ELAVL4: variants seen among roughly 807,000 people sequenced by gnomAD.
The protein encoded by ELAVL4 is ELAV like RNA binding protein 4.
ELAVL4 carries 1 observed loss-of-function variant against 35.6 expected under a neutral mutation model. That is an observed-to-expected ratio of 0.03 (90% CI 0.01 to 0.13). The LOEUF is 0.13. ELAVL4 is among the 10% of genes least tolerant of loss of function. The pLI is 1.00. For synonymous variants in ELAVL4, 156 were observed against 171.0 expected (o/e 0.91, Z 0.69); for missense variants, 267 against 464.9 (o/e 0.57, Z 3.91).
At chr1:50,186,485 T>G (rs561449813) in intron 3 of ELAVL4, among the ~76,000 whole-genome samples, 20 of 152,292 alleles carry the variant, frequency 1.3e-4, no homozygotes, top group Non-Finnish European at 2.8e-4. Context: ...TGAAATATAC[T>G]GCTGTGTATC....
intron 1 of ELAVL4, among the ~76,000 whole-genome samples, chr1:50,110,679 G>C (rs747762256): frequency 1.2e-4 from 18 of 152,134 alleles, no homozygotes; most frequent in Non-Finnish European, 1.6e-4. Context: ...GGGGCAGGCT[G>C]TAAATTCATA....
At chr1:50,168,213 C>T (rs922943706) in intron 2 of ELAVL4, among the ~76,000 whole-genome samples, 6 of 152,156 alleles carry the variant, frequency 3.9e-5, no homozygotes, top group African/African-American at 9.7e-5. Context: ...AGGCCATTGG[C>T]GCAAACTGGG....
At chr1:50,162,355 C>A (rs919188232) in intron 2 of ELAVL4, among the ~76,000 whole-genome samples, 1 of 152,144 alleles carries the variant, frequency 6.6e-6, no homozygotes, top group Non-Finnish European at 1.5e-5. Context: ...ATAAGACTCA[C>A]GCGCCCGCCC....
At chr1:50,105,473 A>ATTTTTTT (rs935569872), upstream of ELAVL4, among the ~76,000 whole-genome samples, 1 of 151,920 alleles carries the variant, frequency 6.6e-6, no homozygotes, top group African/African-American at 2.4e-5. Context: ...TTATTTATTT[A>ATTTTTTT]TTTTGACAAG....
At chr1:50,155,109 G>T (rs919763715) in intron 2 of ELAVL4, among the ~76,000 whole-genome samples, 1 of 150,962 alleles carries the variant, frequency 6.6e-6, no homozygotes, top group African/African-American at 2.4e-5. Context: ...TGCCATGCTG[G>T]TGTGCTGCAC....
chr1:50,063,214 G>T (rs1215943636), intron 1 of ELAVL4, among the ~76,000 whole-genome samples: 1 of 152,066 alleles, frequency 6.6e-6, no homozygotes, highest in African/African-American at 2.4e-5. Context: ...TTTTCCATAT[G>T]AAATAATGCA....
intron 1 of ELAVL4, among the ~76,000 whole-genome samples, chr1:50,116,023 T>C (rs1667882806): frequency 6.6e-6 from 1 of 152,120 alleles, no homozygotes; most frequent in Non-Finnish European, 1.5e-5. Flanking sequence ...ATAAATGTCT[T>C]TCCTTCTGTA....
chr1:50,194,936 G>A (rs1643938785), intron 4 of ELAVL4, among the ~76,000 whole-genome samples: 1 of 152,218 alleles, frequency 6.6e-6, no homozygotes, highest in South Asian at 2.1e-4. Flanking sequence ...AGGCAGTTCA[G>A]GGTGGCTGGT....
At chr1:50,154,491 T>C (rs1675366382) in intron 2 of ELAVL4, among the ~76,000 whole-genome samples, 1 of 152,204 alleles carries the variant, frequency 6.6e-6, no homozygotes, top group East Asian at 1.9e-4. Context: ...TGGATACAGC[T>C]AGCTAGGGTA....
intron 2 of ELAVL4, among the ~76,000 whole-genome samples, chr1:50,171,418 T>G (rs572496967): frequency 6.6e-4 from 101 of 152,312 alleles, no homozygotes; most frequent in African/African-American, 2.3e-3. Context: ...GCTGGTTGAC[T>G]TCAGACAGAT....
intron 1 of ELAVL4, among the ~76,000 whole-genome samples, chr1:50,078,142 G>GTGTGTGTGTGTA (rs1030712388): frequency 8.9e-5 from 13 of 145,818 alleles, no homozygotes; most frequent in Middle Eastern, 3.5e-3. Context: ...GTGTGTGTGT[G>GTGTGTGTGTGTA]TATATAGTAT....
At chr1:50,189,689 A>T (rs1490441540) in intron 3 of ELAVL4, among the ~76,000 whole-genome samples, 1 of 152,184 alleles carries the variant, frequency 6.6e-6, no homozygotes, top group East Asian at 1.9e-4. Context: ...AGGCTGGCCC[A>T]CAAAAGCCTG....
At chr1:50,125,163 C>T (rs1264206428) in intron 1 of ELAVL4, among the ~76,000 whole-genome samples, 3 of 151,558 alleles carry the variant, frequency 2.0e-5, no homozygotes, top group African/African-American at 4.9e-5. Flanking sequence ...CACTTGAGCC[C>T]GGGAGTTTGA....
upstream of ELAVL4, chr1:50,108,807 C>A: frequency 1.9e-6 from 1 of 517,672 alleles, no homozygotes; most frequent in Non-Finnish European, 2.5e-6. Flanking sequence ...CTGGCAGTAG[C>A]TAATTTAAAT....
intron 1 of ELAVL4, among the ~76,000 whole-genome samples, chr1:50,117,767 C>T (rs1668208562): frequency 6.6e-6 from 1 of 152,126 alleles, no homozygotes; most frequent in African/African-American, 2.4e-5. Flanking sequence ...CCCATCTGCC[C>T]ATGCCAGATG....
At chr1:50,073,353 C>A (rs1398603826) in intron 1 of ELAVL4, among the ~76,000 whole-genome samples, 2 of 151,882 alleles carry the variant, frequency 1.3e-5, no homozygotes, top group African/African-American at 4.8e-5. Flanking sequence ...TTGACAAATT[C>A]TTTTTTATTA....
At chr1:50,097,963 A>C (rs1665788519) in intron 1 of ELAVL4, among the ~76,000 whole-genome samples, 1 of 152,204 alleles carries the variant, frequency 6.6e-6, no homozygotes. Context: ...GAGTTTTTAC[A>C]TTACTTGAGT....
chr1:50,051,077 ATGT>A (rs1663350012), intron 1 of ELAVL4, among the ~76,000 whole-genome samples: 1 of 152,196 alleles, frequency 6.6e-6, no homozygotes, highest in Admixed American at 6.5e-5. Context: ...TATTAATAAA[ATGT>A]TGTAAAACTG....
At chr1:50,115,151 C>T (rs4078484) in intron 1 of ELAVL4, 41,994 of 151,776 alleles carry the variant, frequency 0.28, 6,300 homozygotes, top group African/African-American at 0.4. Context: ...CATTTTAAGA[C>T]CAACCAATTT....
Sources: gnomAD v4.1 joint callset for allele counts (sites outside exome capture counted in the v4.1 genomes callset) on GRCh38, gnomAD v4.1.1 for gene constraint, MANE v1.5 for transcripts, NCBI Gene and HGNC (gene_info 2026-07-23, HGNC 2026-07-21) for gene names.